The following SPART variants were observed in gnomAD, a reference collection of about 807,000 sequenced individuals.
SPART encodes spartin, also known as spastic paraplegia 20 (Troyer syndrome).
A neutral mutation model predicts 58.7 loss-of-function variants in SPART; 35 were observed. The ratio of observed to expected loss-of-function variants is 0.60; its 90% confidence interval spans 0.46 to 0.79. The LOEUF (loss-of-function observed/expected upper bound fraction) is 0.79, where lower values mean the gene tolerates loss of function less well. Ranked by LOEUF, SPART falls within the 30% of genes least tolerant of loss-of-function variation. The pLI is 0.00. For synonymous variants in SPART, 284 were observed against 280.7 expected (o/e 1.01, Z -0.12); for missense variants, 730 against 786.1 (o/e 0.93, Z 0.85).
Position 36,312,178 on chromosome 13 carries a change from A to C in SPART, c.1700T>G (p.Val567Gly), listed in dbSNP as rs1351167382. The C allele has an allele frequency of 6.2e-7, 1 of 1,614,146 alleles. No individual in the cohort carries two copies. The highest frequency in any genetic ancestry group is 1.1e-5 in the South Asian group (1 of 91,088). The change falls in exon 8 of 9, where the codon GTT (valine) becomes GGT (glycine). Residue 567 changes from valine (V) to glycine (G), a missense_variant. By Grantham distance (109) the Val-to-Gly change is moderately radical. Transcript: ENST00000438666. ...ECAAKCIVNN[V>G]SAETVQTVRY... ...GACAGTTTGTACAGTTTCTGCTGAA[A>C]CATTGTTAACGATGCATTTAGCTGC...
intron 8 of SPART, among the ~76,000 whole-genome samples, chr13:36,309,151 G>A (rs955016510): frequency 1.3e-5 from 2 of 151,884 alleles, no homozygotes; most frequent in African/African-American, 2.4e-5. Context: ...GGCTGAGGCA[G>A]GAGAATGGTG....
intron 1 of SPART, chr13:36,368,214 T>C (rs1239584171): frequency 4.3e-6 from 2 of 466,166 alleles, no homozygotes; most frequent in East Asian, 1.4e-4. Context: ...AAGCACTATA[T>C]GAGCTGCTGA....
chr13:36,368,130 C>A, intron 1 of SPART: 2 of 441,248 alleles, frequency 4.5e-6, no homozygotes, highest in Non-Finnish European at 9.3e-6. Context: ...AGGAAAGAGT[C>A]GGGCATATTT....
intron 5 of SPART, among the ~76,000 whole-genome samples, chr13:36,323,726 C>T (rs1882647425): frequency 6.6e-6 from 1 of 152,128 alleles, no homozygotes; most frequent in Admixed American, 6.5e-5. Context: ...ACGAACTACT[C>T]GTTCTACCTA....
At chr13:36,353,835 C>G (rs1051145019) in intron 1 of SPART, among the ~76,000 whole-genome samples, 6 of 152,058 alleles carry the variant, frequency 3.9e-5, no homozygotes, top group African/African-American at 1.2e-4. Flanking sequence ...TTGTCTTGAT[C>G]CTTCAGTAGT....
At chr13:36,315,606 A>G (rs1182134791) in intron 5 of SPART, among the ~76,000 whole-genome samples, 1 of 152,164 alleles carries the variant, frequency 6.6e-6, no homozygotes, top group Admixed American at 6.6e-5. Context: ...TCCAGCTCCA[A>G]TCCTACCCCC....
intron 1 of SPART, among the ~76,000 whole-genome samples, chr13:36,356,894 T>C (rs967517221): frequency 5.3e-5 from 8 of 150,932 alleles, no homozygotes; most frequent in African/African-American, 1.9e-4. Flanking sequence ...ATATTTCATA[T>C]GTTATTCTGT....
At chr13:36,343,651 A>G (rs147227800) in intron 1 of SPART, among the ~76,000 whole-genome samples, 1 of 152,350 alleles carries the variant, frequency 6.6e-6, no homozygotes, top group African/African-American at 2.4e-5. Context: ...AATATATAGC[A>G]AAGATATAAT....
chr13:36,309,837 A>T (rs1002558374), intron 8 of SPART, among the ~76,000 whole-genome samples: 3 of 152,314 alleles, frequency 2.0e-5, no homozygotes, highest in Non-Finnish European at 4.4e-5. Flanking sequence ...CACACAACAA[A>T]TTCTATGTAA....
chr13:36,304,768 T>TA, intron 8 of SPART, 136 bp from the exon 9 acceptor site: 1 of 882,356 alleles, frequency 1.1e-6, no homozygotes, highest in Non-Finnish European at 1.7e-6. Context: ...TCAATTTAAT[T>TA]AATAACTTAA....
chr13:36,360,210 G>A lies in SPART; in HGVS notation c.-3+9879C>T, dbSNP rs368290653. ...CATGGGAGGCTGAGGCAGGAGAATC[G>A]CTTGAACCTGGGAGGTGGAGGTTGC... On this transcript the variant is annotated intron_variant, in intron 1 of 8. Coordinates refer to the SPART transcript ENST00000355182. Among the ~76,000 whole-genome samples the A allele has an allele frequency of 2.9e-4, 27 of 93,848 alleles. No homozygotes were observed. The East Asian group carries it at 8.5e-3, about 30-fold the overall frequency. 61.6% of individuals were successfully genotyped at this position (93,848 alleles called of 152,430 possible).
chr13:36,320,019 G>A (rs1399079392), intron 5 of SPART, among the ~76,000 whole-genome samples: 2 of 152,060 alleles, frequency 1.3e-5, no homozygotes, highest in Non-Finnish European at 2.9e-5. Context: ...CAAGAGCCAG[G>A]ACCACATCCT....
At position 36,310,700 on chromosome 13, in the gene SPART, T is replaced by C. The variant is rs532128406; in HGVS notation, c.1733+1445A>G. Reference sequence around the variant, plus strand: ...AATCCAATGGTCAACACTAGAGTCATGTAAAACTAGAGCCATGTAAATGTT... The same window carrying C: ...AATCCAATGGTCAACACTAGAGTCACGTAAAACTAGAGCCATGTAAATGTT... On this transcript the variant is annotated intron_variant, in intron 8 of 8. Coordinates refer to ENST00000438666, the MANE Select transcript of SPART (RefSeq NM_015087.5). 2.6e-5 allele frequency among the ~76,000 whole-genome samples: 4 copies of C among 152,236 alleles called. No individual in the cohort carries two copies. In the South Asian group the frequency reaches 8.3e-4, roughly 32 times the overall value.
At chr13:36,328,947 T>C (rs926413333) in intron 4 of SPART, among the ~76,000 whole-genome samples, 2 of 151,924 alleles carry the variant, frequency 1.3e-5, no homozygotes, top group Admixed American at 6.6e-5. Flanking sequence ...AATATAAAAA[T>C]ATCTTGGCCA....
intron 5 of SPART, among the ~76,000 whole-genome samples, chr13:36,322,110 C>T (rs534603721): frequency 1.3e-5 from 2 of 152,262 alleles, no homozygotes; most frequent in South Asian, 4.1e-4. Flanking sequence ...TCGGACTCAG[C>T]CCACCTGCAC....
At chr13:36,339,627 CAAAAAAAA>C (rs71084420) in intron 1 of SPART, among the ~76,000 whole-genome samples, 4 of 38,808 alleles carry the variant, frequency 1.0e-4, no homozygotes, top group Admixed American at 8.7e-4. Flanking sequence ...ACGACTCCAT[CAAAAAAAA>C]AAAAAAAAAA....
intron 3 of SPART, among the ~76,000 whole-genome samples, chr13:36,330,472 G>A (rs1883363890): frequency 6.6e-6 from 1 of 151,860 alleles, no homozygotes; most frequent in Non-Finnish European, 1.5e-5. Context: ...CACCTTCGTG[G>A]TCTCCTGTTC....
At position 36,326,683 on chromosome 13, in the gene SPART, T is replaced by C; in HGVS notation, c.1180A>G (p.Ser394Gly). 2 of 1,613,006 alleles carry C rather than the reference T, an allele frequency of 1.2e-6. No individual in the cohort carries two copies. The highest frequency in any genetic ancestry group is 2.2e-5 in the South Asian group (2 of 91,030). ...ATGTGACTCAGGTTAACTTCTTCAC[T>C]TGAAGTATCTTTAGCCTAAACAGTA... ...KRGKRAKDTS[S>G]EEVNLSHIVP... Residue 394 changes from serine to glycine, a missense_variant, in exon 5 of 9, where the codon AGT becomes GGT. Ser to Gly is a moderately conservative substitution (Grantham distance 56). Transcript: ENST00000438666.
chr13:36,345,371 T>C (rs1185437340), intron 1 of SPART, among the ~76,000 whole-genome samples: 1 of 152,126 alleles, frequency 6.6e-6, no homozygotes. Flanking sequence ...AATCAGAAAA[T>C]AATTCCATAT....
Sources: gnomAD v4.1 joint callset for allele counts (sites outside exome capture counted in the v4.1 genomes callset) on GRCh38, gnomAD v4.1.1 for gene constraint, MANE v1.5 for transcripts, NCBI Gene and HGNC (gene_info 2026-07-23, HGNC 2026-07-21) for gene names.